The following USH2A variants were observed in gnomAD, a reference collection of about 807,000 sequenced individuals.
USH2A encodes usherin.
A neutral mutation model predicts 538.9 loss-of-function variants in USH2A; 443 were observed. The ratio of observed to expected loss-of-function variants is 0.82; its 90% confidence interval spans 0.76 to 0.89. The LOEUF (loss-of-function observed/expected upper bound fraction) is 0.89, where lower values mean the gene tolerates loss of function less well. Ranked by LOEUF, USH2A falls within the 40% of genes least tolerant of loss-of-function variation. The pLI is 0.00. For synonymous variants in USH2A, 2,413 were observed against 2,273.5 expected (o/e 1.06, Z -1.75); for missense variants, 6,633 against 6,324.8 (o/e 1.05, Z -1.65).
chr1:215,901,104 T>A, intron 38 of USH2A, 199 bp from the exon 39 acceptor site: 1 of 681,106 alleles, frequency 1.5e-6, no homozygotes, highest in Non-Finnish European at 2.5e-6. Context: ...TACATTAGTA[T>A]TTCAGTCTTA....
intron 61 of USH2A, among the ~76,000 whole-genome samples, chr1:215,709,016 A>G (rs1003108408): frequency 4.6e-5 from 7 of 152,210 alleles, no homozygotes; most frequent in African/African-American, 1.7e-4. Flanking sequence ...ATAAATGAAG[A>G]ACAAATAAAT....
In USH2A at chr1:215,888,746, C is replaced by T; in HGVS notation, c.7903G>A (p.Asp2635Asn). The part of the protein sequence containing the change: ...EGIPSPELFS[D>N]TPTSVIISWQ... The stretch of plus-strand genomic sequence containing the variant: ...GATATAATCACAGATGTTGGAGTAT[C>T]AGAGAACAGCTCTGGACTTGGGATC... Residue 2635 changes from aspartate to asparagine, a missense_variant, in exon 41 of 72, where the codon GAT becomes AAT. Physicochemically the swap from Asp to Asn is conservative, Grantham distance 23 (BLOSUM62 1). Coordinates refer to ENST00000307340, the MANE Select transcript of USH2A (RefSeq NM_206933.4). 2 of 1,614,116 alleles carry T rather than the reference C, an allele frequency of 1.2e-6. No individual in the cohort carries two copies. Among genetic ancestry groups the T allele is most frequent in the Non-Finnish European group, 1.7e-6 (2 of 1,180,010 alleles).
chr1:216,332,101 G>A (rs2102665938), intron 4 of USH2A, among the ~76,000 whole-genome samples: 1 of 152,234 alleles, frequency 6.6e-6, no homozygotes, highest in East Asian at 1.9e-4. Flanking sequence ...TTTGCAATCA[G>A]GGTGAAAACC....
chr1:216,329,849 GAC>G (rs2037819154), intron 4 of USH2A, among the ~76,000 whole-genome samples: 1 of 151,998 alleles, frequency 6.6e-6, no homozygotes, highest in Admixed American at 6.6e-5. Flanking sequence ...GTGGAAAACT[GAC>G]AGTCTTCATT....
intron 69 of USH2A, among the ~76,000 whole-genome samples, chr1:215,635,050 G>A (rs537819019): frequency 6.6e-6 from 1 of 152,190 alleles, no homozygotes; most frequent in Non-Finnish European, 1.5e-5. Context: ...TTTCATAGCT[G>A]TGTGTCTTGG....
chr1:215,931,473 C>G (rs542731231), intron 38 of USH2A, among the ~76,000 whole-genome samples: 1 of 151,922 alleles, frequency 6.6e-6, no homozygotes, highest in Non-Finnish European at 1.5e-5. Context: ...GTTGGCATAA[C>G]TTGAGAATAT....
At chr1:215,857,588 C>T (rs1664204181) in intron 44 of USH2A, among the ~76,000 whole-genome samples, 1 of 152,176 alleles carries the variant, frequency 6.6e-6, no homozygotes, top group South Asian at 2.1e-4. Flanking sequence ...GAAACACGCA[C>T]ATGTGCAATT....
chr1:216,144,766 T>G (rs1250457016), intron 21 of USH2A, among the ~76,000 whole-genome samples: 1 of 152,152 alleles, frequency 6.6e-6, no homozygotes, highest in Non-Finnish European at 1.5e-5. Context: ...TCTGGCTACT[T>G]TTTCTTGATT....
intron 3 of USH2A, among the ~76,000 whole-genome samples, chr1:216,417,141 T>C (rs1029643204): frequency 2.0e-5 from 3 of 152,034 alleles, no homozygotes; most frequent in African/African-American, 4.8e-5. Flanking sequence ...ACCCTAGTTG[T>C]GTATGAAAAC....
intron 30 of USH2A, among the ~76,000 whole-genome samples, chr1:216,061,412 T>C (rs902518668): frequency 5.3e-5 from 8 of 152,248 alleles, no homozygotes; most frequent in African/African-American, 1.9e-4. Context: ...TATTATTTTT[T>C]ATATACATTT....
rs2031841958 is a variant in USH2A at position 216,078,850 on chromosome 1, C to A, written c.5299-488G>T. Among the ~76,000 whole-genome samples the A allele has an allele frequency of 2.0e-5, 3 of 152,168 alleles. No homozygotes were observed. The South Asian group carries it at 6.2e-4, about 32-fold the overall frequency. On this transcript the variant is annotated intron_variant, in intron 26 of 71. Transcript: ENST00000307340. Reference sequence around the variant, plus strand: ...AAGCTTATTTTAACTGGCTAGTGAACTCAATTTCAAATATGTAAGACATAT... The same window carrying A: ...AAGCTTATTTTAACTGGCTAGTGAAATCAATTTCAAATATGTAAGACATAT...
At chr1:215,640,501 C>T (rs867888946) in intron 68 of USH2A, 57 bp downstream of exon 68, 34 of 1,607,876 alleles carry the variant, frequency 2.1e-5, no homozygotes, top group South Asian at 1.2e-4. Context: ...TTTAGCATCC[C>T]GTAAAGCTGG....
intron 15 of USH2A, among the ~76,000 whole-genome samples, chr1:216,211,150 C>T (rs1572054692): frequency 6.6e-6 from 1 of 152,222 alleles, no homozygotes; most frequent in Non-Finnish European, 1.5e-5. Context: ...TCATCTGTAT[C>T]TTTGCAATAT....
intron 35 of USH2A, among the ~76,000 whole-genome samples, chr1:215,984,214 TACTC>T (rs1209750287): frequency 6.6e-6 from 1 of 152,218 alleles, no homozygotes; most frequent in Non-Finnish European, 1.5e-5. Flanking sequence ...AAAAATCACT[TACTC>T]TATTATATTG....
chr1:216,109,552 C>T (rs1223984805), intron 21 of USH2A, among the ~76,000 whole-genome samples: 3 of 152,076 alleles, frequency 2.0e-5, no homozygotes, highest in Admixed American at 6.6e-5. Context: ...ACCATGAAAG[C>T]GAAGTTCTTT....
intron 46 of USH2A, among the ~76,000 whole-genome samples, chr1:215,839,251 T>C (rs985335432): frequency 2.0e-5 from 3 of 152,108 alleles, no homozygotes; most frequent in Non-Finnish European, 4.4e-5. Context: ...TTAATGAAAA[T>C]GAACTTTATA....
chr1:215,970,896 G>C lies in USH2A; in HGVS notation c.6806-120C>G, dbSNP rs974724700. The C allele has an allele frequency of 9.2e-6, 9 of 974,614 alleles. No homozygotes were observed. The African/African-American group carries it at 9.8e-5, about 11-fold the overall frequency. The allele number at this position is 974,614 out of a possible 1,614,324, so 60.4% of individuals were successfully genotyped here. ...ATGGAATCATTAAATCACAGACTCT[G>C]GTATTTCTCCTTGTCTAAACTCTGT... On this transcript the variant is annotated intron_variant, in intron 35 of 71. Coordinates refer to ENST00000307340, the MANE Select transcript of USH2A (RefSeq NM_206933.4).
chr1:215,998,868 G>A lies in USH2A; in HGVS notation c.6657+19C>T, dbSNP rs1339372467. On this transcript the variant is annotated intron_variant, in intron 34 of 71. Transcript: ENST00000307340. The stretch of plus-strand genomic sequence containing the variant: ...AGTGGAAGGAATGGGGACAGAGAAA[G>A]TGATGGAAATAAACTTACTCCCAGC... 1.2e-6 allele frequency: 2 copies of A among 1,610,416 alleles called. No homozygotes were observed. Among genetic ancestry groups the A allele is most frequent in the Admixed American group, 3.3e-5 (2 of 59,872 alleles).
chr1:215,936,776 G>T (rs1425985114), intron 37 of USH2A, among the ~76,000 whole-genome samples: 1 of 151,906 alleles, frequency 6.6e-6, no homozygotes, highest in Non-Finnish European at 1.5e-5. Context: ...AAATTCTAAG[G>T]TTTTTCAATG....
Sources: allele counts gnomAD v4.1 joint callset (sites outside exome capture counted in the v4.1 genomes callset), GRCh38; gene constraint gnomAD v4.1.1; transcripts MANE v1.5; gene names NCBI Gene and HGNC (gene_info 2026-07-23, HGNC 2026-07-21).